The following DNAH6 variants were observed in gnomAD, a reference collection of about 807,000 sequenced individuals.
The protein encoded by DNAH6 is axonemal beta dynein heavy chain 6.
A neutral mutation model predicts 491.4 loss-of-function variants in DNAH6; 340 were observed. The ratio of observed to expected loss-of-function variants is 0.69; its 90% confidence interval spans 0.63 to 0.76. DNAH6 has a LOEUF of 0.76. Among genes scored for constraint, DNAH6 ranks in the 30% least tolerant of loss-of-function variants. DNAH6 has a pLI of 0.00. For synonymous variants in DNAH6, 1,603 were observed against 1,686.1 expected (o/e 0.95, Z 1.21); for missense variants, 4,443 against 4,972.2 (o/e 0.89, Z 3.20).
chr2:84,548,483 C>A, intron 8 of DNAH6, 66 bp downstream of exon 8: 1 of 1,573,152 alleles, frequency 6.4e-7, no homozygotes, highest in African/African-American at 1.4e-5. Context: ...AAAATTAAAC[C>A]CCAGAAAGTG....
intron 70 of DNAH6, among the ~76,000 whole-genome samples, chr2:84,804,852 G>C (rs1407583551): frequency 1.3e-5 from 2 of 152,008 alleles, no homozygotes; most frequent in East Asian, 3.9e-4. Context: ...GCCTCCCTCT[G>C]TTGCCCTGGC....
chr2:84,620,377 G>A (rs943862745), intron 24 of DNAH6, among the ~76,000 whole-genome samples: 2 of 152,142 alleles, frequency 1.3e-5, no homozygotes, highest in African/African-American at 4.8e-5. Context: ...TTAGTTGCTG[G>A]CAGCAGCATC....
the DNAH6 span, chr2:84,460,074 C>A: frequency 6.6e-6 from 1 of 152,192 alleles, no homozygotes; most frequent in Admixed American, 6.5e-5. Flanking sequence ...CTCAGAGAGT[C>A]CCAGAGTCAA....
At chr2:84,778,726 G>C (rs1466187964) in intron 64 of DNAH6, among the ~76,000 whole-genome samples, 1 of 152,036 alleles carries the variant, frequency 6.6e-6, no homozygotes, top group Non-Finnish European at 1.5e-5. Context: ...ATCTCAAACT[G>C]AGTTCAAGTG....
intron 61 of DNAH6, among the ~76,000 whole-genome samples, chr2:84,732,263 G>GTTTT (rs112627636): frequency 6.6e-6 from 1 of 151,950 alleles, no homozygotes; most frequent in East Asian, 1.9e-4. Flanking sequence ...CAGATCTGGA[G>GTTTT]TTTTTTCAGT....
chr2:84,719,631 C>T (rs935237092), intron 59 of DNAH6, among the ~76,000 whole-genome samples: 21 of 152,108 alleles, frequency 1.4e-4, no homozygotes, highest in Non-Finnish European at 5.9e-5. Flanking sequence ...CTCCCTCAGC[C>T]CCCTGAATAT....
In DNAH6 at chr2:84,634,617, C is replaced by T. The variant is rs1486365510; in HGVS notation, c.4629C>T (p.Thr1543=). The T allele has an allele frequency of 2.6e-6, 4 of 1,540,234 alleles. No homozygotes were observed. The highest frequency in any genetic ancestry group is 1.2e-5 in the South Asian group (1 of 81,832). Residue 1543 remains threonine (T), a synonymous_variant, in exon 30 of 77, where the codon ACC becomes ACT. Coordinates refer to ENST00000389394, the MANE Select transcript of DNAH6 (RefSeq NM_001370.2). ...CCGTCATCGCGCAGCAACTCATTAC[C>T]ATTAGGAACGCCAAAGCGGCAAAGG... ...VLSVIAQQLI[T]IRNAKAAKLS...
the DNAH6 span, among the ~76,000 whole-genome samples, chr2:84,486,839 TC>T: frequency 6.6e-6 from 1 of 152,294 alleles, no homozygotes; most frequent in South Asian, 2.1e-4. Flanking sequence ...TATACAGTGT[TC>T]CCTGGACTCA....
intron 63 of DNAH6, among the ~76,000 whole-genome samples, chr2:84,756,850 G>A (rs1354008828): frequency 1.3e-5 from 2 of 152,228 alleles, no homozygotes; most frequent in East Asian, 3.8e-4. Flanking sequence ...GAGGGCTTCA[G>A]TCAGAGACTG....
intron 34 of DNAH6, 43 bp from the exon 35 acceptor site, chr2:84,654,617 G>T: frequency 6.5e-7 from 1 of 1,547,092 alleles, no homozygotes; most frequent in Admixed American, 2.0e-5. Flanking sequence ...AAATAAGGAA[G>T]TATCATATTA....
chr2:84,630,373 A>C (rs1254151104), intron 29 of DNAH6, among the ~76,000 whole-genome samples: 1 of 152,198 alleles, frequency 6.6e-6, no homozygotes. Flanking sequence ...ACAAGCTATG[A>C]ATTATTCCTG....
chr2:84,620,490 T>C (rs940226363), intron 24 of DNAH6, among the ~76,000 whole-genome samples: 1 of 152,062 alleles, frequency 6.6e-6, no homozygotes, highest in African/African-American at 2.4e-5. Context: ...GAGCCACACA[T>C]ATGCACACAC....
intron 41 of DNAH6, among the ~76,000 whole-genome samples, chr2:84,680,519 G>A (rs978343566): frequency 1.3e-5 from 2 of 151,962 alleles, no homozygotes; most frequent in Non-Finnish European, 2.9e-5. Context: ...GGATGAAAGG[G>A]CACCTGCCAA....
intron 18 of DNAH6, among the ~76,000 whole-genome samples, chr2:84,596,201 A>G (rs1033046365): frequency 1.3e-5 from 2 of 152,208 alleles, no homozygotes; most frequent in Non-Finnish European, 2.9e-5. Context: ...GGAAGTTGGG[A>G]AGCCAGGCTG....
chr2:84,735,825 C>G (rs1408235836), intron 62 of DNAH6, among the ~76,000 whole-genome samples: 1 of 152,084 alleles, frequency 6.6e-6, no homozygotes, highest in Non-Finnish European at 1.5e-5. Context: ...TGTACATTGT[C>G]TGTTCACTCA....
At chr2:84,697,540 G>T in intron 46 of DNAH6, 35 bp from the exon 47 acceptor site, 2 of 1,499,194 alleles carry the variant, frequency 1.3e-6, no homozygotes, top group South Asian at 2.6e-5. Context: ...GAAAATGATT[G>T]AGCAAGTTGT....
At chr2:84,510,211 A>C in the DNAH6 span, among the ~76,000 whole-genome samples, 1 of 152,208 alleles carries the variant, frequency 6.6e-6, no homozygotes, top group Non-Finnish European at 1.5e-5. Flanking sequence ...TTCAGGTACA[A>C]AAATCAGACG....
chr2:84,786,968 G>A (rs899631239), intron 67 of DNAH6, among the ~76,000 whole-genome samples, 196 bp from the exon 68 acceptor site: 17 of 152,118 alleles, frequency 1.1e-4, no homozygotes, highest in African/African-American at 4.1e-4. Context: ...GGAAATATGG[G>A]GAGGAGCCAG....
chr2:84,686,028 A>C (rs550199141), intron 43 of DNAH6, among the ~76,000 whole-genome samples: 5 of 152,218 alleles, frequency 3.3e-5, no homozygotes, highest in African/African-American at 1.2e-4. Context: ...CTCTACTAAA[A>C]ATCCAAAAAA....
Sources: gnomAD v4.1 joint callset for allele counts (sites outside exome capture counted in the v4.1 genomes callset) on GRCh38, gnomAD v4.1.1 for gene constraint, MANE v1.5 for transcripts, NCBI Gene and HGNC (gene_info 2026-07-23, HGNC 2026-07-21) for gene names.